The following COQ7 variants were observed in gnomAD, a reference collection of about 807,000 sequenced individuals.
COQ7 encodes the protein coenzyme Q7, hydroxylase.
In COQ7, 21 loss-of-function variants were observed where a neutral mutation model predicts 25.0. That is an observed-to-expected ratio of 0.84 (90% CI 0.60 to 1.21). COQ7 has a LOEUF of 1.21. Ranked by LOEUF, COQ7 falls within the 50% of genes most tolerant of loss-of-function variation. The probability of loss-of-function intolerance (pLI) is 0.00; values close to 1 mark genes in which losing one functional copy is unlikely to be tolerated. For missense variants in COQ7, 311 were observed against 296.2 expected (o/e 1.05, Z -0.37); for synonymous variants, 125 against 112.4 (o/e 1.11, Z -0.71).
At chr16:19,082,296 A>G (rs1407127975), downstream of COQ7, among the ~76,000 whole-genome samples, 4 of 152,212 alleles carry the variant, frequency 2.6e-5, no homozygotes, top group Non-Finnish European at 5.9e-5. Flanking sequence ...TTGAACAACA[A>G]TGTGAATGTA....
At chr16:19,069,429 G>A (rs1338110122) in intron 1 of COQ7, among the ~76,000 whole-genome samples, 3 of 27,018 alleles carry the variant, frequency 1.1e-4, no homozygotes, top group African/African-American at 3.7e-4. Context: ...TTTTTTTTTT[G>A]AGGCAGAGTC....
intron 2 of COQ7, chr16:19,072,460 C>A: frequency 4.6e-6 from 1 of 215,494 alleles, no homozygotes. Flanking sequence ...TATTGTATCC[C>A]AAGAGGCTAT....
At chr16:19,073,004 C>G (rs965525074) in intron 2 of COQ7, among the ~76,000 whole-genome samples, 4 of 152,142 alleles carry the variant, frequency 2.6e-5, no homozygotes, top group African/African-American at 9.7e-5. Context: ...GACTCCGTCT[C>G]TACGAAAAAT....
At chr16:19,074,555 C>T (rs903836023) in intron 3 of COQ7, among the ~76,000 whole-genome samples, 2 of 151,530 alleles carry the variant, frequency 1.3e-5, no homozygotes, top group Admixed American at 6.6e-5. Flanking sequence ...CAAAAAAAAA[C>T]AAACCAGAGC....
At chr16:19,072,211 A>C in intron 2 of COQ7, 105 bp downstream of exon 2, 2 of 1,389,484 alleles carry the variant, frequency 1.4e-6, no homozygotes, top group African/African-American at 1.4e-5. Flanking sequence ...GGGAGATGCC[A>C]TTGTCTCCAG....
At chr16:19,076,952 A>C (rs1202668780) in intron 4 of COQ7, among the ~76,000 whole-genome samples, 1 of 152,244 alleles carries the variant, frequency 6.6e-6, no homozygotes, top group African/African-American at 2.4e-5. Context: ...TTTAGATTGA[A>C]TAAATGAATA....
intron 1 of COQ7, 26 bp downstream of exon 1, chr16:19,067,763 C>A: frequency 6.3e-7 from 1 of 1,589,434 alleles, no homozygotes; most frequent in Non-Finnish European, 8.5e-7. Flanking sequence ...CAGTCACAGT[C>A]CTGCGCCGGT....
At chr16:19,069,171 G>A (rs1962415684) in intron 1 of COQ7, among the ~76,000 whole-genome samples, 1 of 152,094 alleles carries the variant, frequency 6.6e-6, no homozygotes. Context: ...ATGCATTTGA[G>A]AGCTAGCACC....
chr16:19,071,297 A>G (rs925348192), intron 1 of COQ7, among the ~76,000 whole-genome samples: 3 of 152,140 alleles, frequency 2.0e-5, no homozygotes, highest in Admixed American at 6.5e-5. Context: ...CAACACACCC[A>G]GCTAAATTTT....
downstream of COQ7, among the ~76,000 whole-genome samples, chr16:19,081,096 G>A (rs1486467666): frequency 1.3e-5 from 2 of 152,162 alleles, no homozygotes; most frequent in Non-Finnish European, 2.9e-5. Flanking sequence ...AAACTTTGCT[G>A]ATGTTTTGTT....
chr16:19,075,398 C>T (rs531083823), intron 3 of COQ7, among the ~76,000 whole-genome samples: 90 of 149,758 alleles, frequency 6.0e-4, no homozygotes, highest in African/African-American at 1.7e-3. Context: ...GACGGTTTCA[C>T]CATGTTAGCC....
Position 19,075,722 on chromosome 16 carries a change from G to C in COQ7, c.369G>C (p.Gly123=), listed in dbSNP as rs1191074600. Residue 123 remains glycine (G), a splice_region_variant and synonymous_variant, in exon 4 of 6, where the codon GGG becomes GGC. Coordinates refer to ENST00000321998, the MANE Select transcript of COQ7 (RefSeq NM_016138.5). ...PLWNVLGFAL[G]AGTALLGKEG... ...CTGGTCTGGGTTTAACAATCCCAGG[G>C]GCGGGGACCGCCTTGCTCGGGAAGG... 1.3e-6 allele frequency: 2 copies of C among 1,571,126 alleles called. No individual in the cohort carries two copies. Among genetic ancestry groups the C allele is most frequent in the South Asian group, 2.4e-5 (2 of 83,474 alleles).
Position 19,067,718 on chromosome 16 carries a change from G to T in COQ7, c.54G>T (p.Gly18=), listed in dbSNP as rs1302820078. 3 of 1,605,850 alleles carry T rather than the reference G, an allele frequency of 1.9e-6. No individual in the cohort carries two copies. Among genetic ancestry groups the T allele is most frequent in the Non-Finnish European group, 2.5e-6 (3 of 1,178,062 alleles). Residue 18 remains glycine, a synonymous_variant, in exon 1 of 6, where the codon GGG becomes GGT. Transcript: ENST00000321998. The stretch of plus-strand genomic sequence containing the variant: ...CCCGCCTTTGGCGGCTGCGCCCGGG[G>T]GCCCGGCGGTCCCTCTCAGGTAAAA... The part of the protein sequence containing the change: ...AAPRLWRLRP[G]ARRSLSAYGR...
intron 1 of COQ7, among the ~76,000 whole-genome samples, chr16:19,070,487 C>G (rs1962498474): frequency 6.6e-6 from 1 of 152,064 alleles, no homozygotes; most frequent in Non-Finnish European, 1.5e-5. Context: ...AATCCCAGCA[C>G]TTTGGGAAGC....
At chr16:19,074,063 C>A in intron 3 of COQ7, 28 bp downstream of exon 3, 1 of 1,529,568 alleles carries the variant, frequency 6.5e-7, no homozygotes, top group Non-Finnish European at 9.0e-7. Flanking sequence ...AGAGCTTATG[C>A]AAGCTTGGGG....
At chr16:19,074,114 T>C in intron 3 of COQ7, 79 bp downstream of exon 3, 1 of 1,063,744 alleles carries the variant, frequency 9.4e-7, no homozygotes, top group Non-Finnish European at 1.4e-6. Context: ...TGTTCACAAT[T>C]CTTGCTGTGT....
chr16:19,071,742 A>G, intron 1 of COQ7, 186 bp from the exon 2 acceptor site: 1 of 620,374 alleles, frequency 1.6e-6, no homozygotes. Flanking sequence ...TGAAACCAGA[A>G]ATCCAGATCT....
At chr16:19,076,684 C>T (rs1303418084) in intron 4 of COQ7, among the ~76,000 whole-genome samples, 6 of 149,262 alleles carry the variant, frequency 4.0e-5, no homozygotes, top group South Asian at 2.1e-4. Context: ...CTCCGCCTCC[C>T]GGGTTCCAGC....
At chr16:19,073,738 T>C (rs1315841797) in intron 2 of COQ7, among the ~76,000 whole-genome samples, 183 bp from the exon 3 acceptor site, 1 of 152,194 alleles carries the variant, frequency 6.6e-6, no homozygotes, top group Non-Finnish European at 1.5e-5. Flanking sequence ...TGGTGCTCTC[T>C]TCTCTTTGTC....
Sources: gnomAD v4.1 joint callset for allele counts (sites outside exome capture counted in the v4.1 genomes callset) on GRCh38, gnomAD v4.1.1 for gene constraint, MANE v1.5 for transcripts, NCBI Gene and HGNC (gene_info 2026-07-23, HGNC 2026-07-21) for gene names.